Variants in HIGD1C observed in about 807,000 individuals in gnomAD.
HIGD1C encodes the protein HIG1 hypoxia inducible domain family member 1C.
Under a neutral mutation model 13.1 loss-of-function variants are expected in HIGD1C, and 11 were observed. The ratio of observed to expected loss-of-function variants is 0.84; its 90% CI spans 0.53 to 1.39. The LOEUF is 1.39. Ranked by LOEUF, HIGD1C falls within the 40% of genes most tolerant of loss-of-function variation. HIGD1C has a pLI of 0.00. For missense variants in HIGD1C, 110 were observed against 112.0 expected, an observed-to-expected ratio of 0.98 and a Z score of 0.08; for synonymous variants, 36 against 37.7, an observed-to-expected ratio of 0.95 and a Z score of 0.17.
exon 2 of HIGD1C, chr12:50,961,018 T>G (rs1324976262): frequency 1.2e-6 from 2 of 1,611,476 alleles, no homozygotes; most frequent in East Asian, 4.5e-5. Context: ...CAAGCTAAAG[T>G]ACAGAAGAGA....
the HIGD1C span, among the ~76,000 whole-genome samples, chr12:50,939,130 A>G: frequency 2.0e-5 from 3 of 152,066 alleles, no homozygotes; most frequent in African/African-American, 7.2e-5. Flanking sequence ...AATGAGGACA[A>G]TCTTTCTTAA....
chr12:50,935,345 T>C, the HIGD1C span: 1 of 152,222 alleles, frequency 6.6e-6, no homozygotes, highest in Non-Finnish European at 1.5e-5. Context: ...AGAGGTCACC[T>C]GAACAAAGGG....
chr12:50,938,467 G>A, the HIGD1C span, among the ~76,000 whole-genome samples: 9 of 152,320 alleles, frequency 5.9e-5, no homozygotes, highest in African/African-American at 1.9e-4. Flanking sequence ...CCCAGGTCCA[G>A]AACCGTGGCT....
At chr12:50,944,927 T>A in the HIGD1C span, among the ~76,000 whole-genome samples, 1 of 152,180 alleles carries the variant, frequency 6.6e-6, no homozygotes, top group African/African-American at 2.4e-5. Flanking sequence ...CAAGGCTGGT[T>A]CAACATACAC....
the HIGD1C span, among the ~76,000 whole-genome samples, chr12:50,938,581 T>A: frequency 2.6e-5 from 4 of 152,280 alleles, no homozygotes; most frequent in East Asian, 7.7e-4. Context: ...CTACAGAGTG[T>A]GCAGCCCTGG....
the HIGD1C span, among the ~76,000 whole-genome samples, chr12:50,938,269 G>A: frequency 1.3e-5 from 2 of 151,992 alleles, no homozygotes; most frequent in African/African-American, 2.4e-5. Flanking sequence ...AGGGCTGGCA[G>A]GAGGCTGGCG....
the HIGD1C span, among the ~76,000 whole-genome samples, chr12:50,944,331 T>A: frequency 6.6e-6 from 1 of 152,270 alleles, no homozygotes; most frequent in East Asian, 1.9e-4. Context: ...AATCCACACC[T>A]TCCTCCAGTA....
At chr12:50,956,002 T>C (rs991958827) in intron 1 of HIGD1C, among the ~76,000 whole-genome samples, 2 of 152,258 alleles carry the variant, frequency 1.3e-5, no homozygotes, top group Non-Finnish European at 2.9e-5. Context: ...GTTCTGACTT[T>C]AATCTCCAAA....
intron 2 of HIGD1C, among the ~76,000 whole-genome samples, chr12:50,963,810 G>GA (rs1939439103): frequency 6.6e-6 from 1 of 152,146 alleles, no homozygotes; most frequent in Non-Finnish European, 1.5e-5. Context: ...AGGAATTCTG[G>GA]AAAATGCAGT....
upstream of HIGD1C, among the ~76,000 whole-genome samples, chr12:50,951,590 T>C (rs59546367): frequency 0.18 from 27,509 of 151,766 alleles, 2,824 homozygotes; most frequent in East Asian, 0.5. Context: ...GAACACAGGA[T>C]TAGATTGAGA....
At chr12:50,960,091 T>C (rs1939268128) in intron 1 of HIGD1C, among the ~76,000 whole-genome samples, 1 of 152,244 alleles carries the variant, frequency 6.6e-6, no homozygotes, top group Admixed American at 6.5e-5. Context: ...GTCACAGCAG[T>C]ATATTCACCC....
chr12:50,939,210 C>T, the HIGD1C span, among the ~76,000 whole-genome samples: 3 of 152,138 alleles, frequency 2.0e-5, no homozygotes, highest in South Asian at 2.1e-4. Flanking sequence ...TGCAGTGGTG[C>T]GATCTTGGCT....
At chr12:50,934,527 T>C in the HIGD1C span, among the ~76,000 whole-genome samples, 1 of 152,212 alleles carries the variant, frequency 6.6e-6, no homozygotes, top group East Asian at 1.9e-4. Context: ...CCTGAATAAC[T>C]AGACATATCC....
the HIGD1C span, chr12:50,935,154 T>A: frequency 6.6e-6 from 1 of 152,158 alleles, no homozygotes; most frequent in Non-Finnish European, 1.5e-5. Flanking sequence ...GTTAAAGTAA[T>A]TAAAAGTCTG....
At chr12:50,941,456 G>C in the HIGD1C span, among the ~76,000 whole-genome samples, 1 of 152,100 alleles carries the variant, frequency 6.6e-6, no homozygotes, top group East Asian at 1.9e-4. Context: ...ACAACATTTG[G>C]ATGGCAGGTA....
chr12:50,940,133 A>G, the HIGD1C span: 3 of 152,210 alleles, frequency 2.0e-5, no homozygotes, highest in Non-Finnish European at 4.4e-5. Flanking sequence ...GTACCTAACA[A>G]AAAGTTCAGC....
At chr12:50,950,819 G>C (rs1938878308), upstream of HIGD1C, among the ~76,000 whole-genome samples, 1 of 151,712 alleles carries the variant, frequency 6.6e-6, no homozygotes, top group Non-Finnish European at 1.5e-5. Context: ...TGGGACTACA[G>C]GCGCCTGCCA....
upstream of HIGD1C, chr12:50,949,395 C>T (rs1938851823): frequency 6.6e-6 from 1 of 151,908 alleles, no homozygotes; most frequent in Non-Finnish European, 1.5e-5. Context: ...TGTCACGGCA[C>T]CCGCCGCAGT....
chr12:50,962,066 ATAAAGT>A (rs1208820704), intron 2 of HIGD1C, among the ~76,000 whole-genome samples: 10 of 152,186 alleles, frequency 6.6e-5, no homozygotes, highest in Non-Finnish European at 1.3e-4. Context: ...AGAAGACAAT[ATAAAGT>A]TATAGATGCC....
Sources: gnomAD v4.1 joint callset for allele counts (sites outside exome capture counted in the v4.1 genomes callset) on GRCh38, gnomAD v4.1.1 for gene constraint, MANE v1.5 for transcripts, NCBI Gene and HGNC (gene_info 2026-07-23, HGNC 2026-07-21) for gene names.